Variants in LAMC2 observed in about 807,000 individuals in gnomAD.
The protein encoded by LAMC2 is laminin subunit gamma 2, also known as laminin subunit gamma-2.
A neutral mutation model predicts 140.2 loss-of-function variants in LAMC2; 97 were observed. The ratio of observed to expected loss-of-function variants is 0.69; its 90% CI spans 0.59 to 0.82. LAMC2 has a LOEUF of 0.82. LAMC2 is among the 40% of genes least tolerant of loss of function. The pLI, the probability that LAMC2 is intolerant of heterozygous loss-of-function variation, is 0.00. For missense variants in LAMC2, 1,402 were observed against 1,476.1 expected, an observed-to-expected ratio of 0.95 and a Z score of 0.82; for synonymous variants, 513 against 540.2, an observed-to-expected ratio of 0.95 and a Z score of 0.70.
the LAMC2 span, among the ~76,000 whole-genome samples, chr1:183,255,298 A>T: frequency 6.6e-6 from 1 of 152,192 alleles, no homozygotes; most frequent in African/African-American, 2.4e-5. Flanking sequence ...TGCCAGTACC[A>T]TACTGTTTTG....
intron 1 of LAMC2, among the ~76,000 whole-genome samples, chr1:183,191,194 C>CT (rs11384954): frequency 0.26 from 39,029 of 151,870 alleles, 6,358 homozygotes; most frequent in African/African-American, 0.47. Flanking sequence ...TAAGTATGAT[C>CT]TTTTTTTTCC....
At chr1:183,248,658 T>C (rs1660289252), downstream of LAMC2, 1 of 152,232 alleles carries the variant, frequency 6.6e-6, no homozygotes, top group Non-Finnish European at 1.5e-5. Context: ...TGGATGAATT[T>C]GGCAGAGCAT....
At chr1:183,240,742 GAGGAA>G in intron 22 of LAMC2, 1 of 1,119,056 alleles carries the variant, frequency 8.9e-7, no homozygotes. Context: ...GTTTTAAGCA[GAGGAA>G]TAACATCACC....
intron 1 of LAMC2, among the ~76,000 whole-genome samples, 194 bp downstream of exon 1, chr1:183,186,625 C>A (rs1658161763): frequency 6.6e-6 from 1 of 152,194 alleles, no homozygotes; most frequent in Non-Finnish European, 1.5e-5. Context: ...AAGCTATCTG[C>A]TTTTTAAAAA....
chr1:183,246,166 T>A (rs1286941896), downstream of LAMC2, among the ~76,000 whole-genome samples: 1 of 125,990 alleles, frequency 7.9e-6, no homozygotes, highest in Non-Finnish European at 1.6e-5. Flanking sequence ...CAAGACTCCG[T>A]CTCAAAAAAA....
At chr1:183,243,094 G>A (rs1660169597) in intron 22 of LAMC2, 53 bp from the exon 23 acceptor site, 1 of 1,608,744 alleles carries the variant, frequency 6.2e-7, no homozygotes, top group Admixed American at 1.7e-5. Flanking sequence ...GGTGTTCAAG[G>A]AGATCTAACT....
Position 183,244,588 on chromosome 1 carries a change from T to C in LAMC2, c.*1188T>C, listed in dbSNP as rs1660203987. ...CTTTGTTTGTCACAAGTGGTGTTTA[T>C]TGCAATAACCGCTTGGTTTGCAACC... On this transcript the variant is annotated 3_prime_UTR_variant, in exon 23 of 23. Coordinates refer to ENST00000264144, the MANE Select transcript of LAMC2 (RefSeq NM_005562.3). 2 of 152,696 alleles carry C rather than the reference T, an allele frequency of 1.3e-5. No homozygotes were observed. The highest frequency in any genetic ancestry group is 4.8e-5 in the African/African-American group (2 of 41,470). 9.5% of individuals were successfully genotyped at this position (152,696 alleles called of 1,614,324 possible). A position where few individuals can be genotyped will look rare whatever the true frequency, so the allele number is the denominator to read the frequency against.
intron 16 of LAMC2, 138 bp from the exon 17 acceptor site, chr1:183,236,322 G>A (rs917536265): frequency 6.5e-6 from 5 of 770,948 alleles, no homozygotes; most frequent in Non-Finnish European, 8.4e-6. Flanking sequence ...GTGGGAGGAT[G>A]AGGCTATAGT....
In LAMC2 at chr1:183,228,592, G is replaced by A; in HGVS notation, c.1687G>A (p.Ala563Thr). Reference sequence around the variant, plus strand: ...AGCAGGCTACTTCGGGGACCCATTGGCTCCCAACCCAGCAGACAAGTGTCG... The same window carrying A: ...AGCAGGCTACTTCGGGGACCCATTGACTCCCAACCCAGCAGACAAGTGTCG... ...CKAGYFGDPL[A>T]PNPADKCRAC... is the part of the protein sequence containing the mutation. Residue 563 changes from alanine to threonine, a missense_variant, in exon 11 of 23, where the codon GCT (alanine) becomes ACT (threonine). By Grantham distance (58) the Ala-to-Thr change is moderately conservative (BLOSUM62 0). Coordinates refer to ENST00000264144, the MANE Select transcript of LAMC2 (RefSeq NM_005562.3). The surrounding 1 kb of genome is among the most constrained non-coding windows in gnomAD (Gnocchi z 4.3). 6.2e-7 allele frequency: 1 copy of A among 1,614,068 alleles called. No individual in the cohort carries two copies. Among genetic ancestry groups the A allele is most frequent in the Non-Finnish European group, 8.5e-7 (1 of 1,180,034 alleles).
intron 4 of LAMC2, among the ~76,000 whole-genome samples, chr1:183,219,670 A>G (rs915939346): frequency 3.3e-5 from 5 of 152,036 alleles, no homozygotes; most frequent in African/African-American, 1.2e-4. Flanking sequence ...TTTAATCAGC[A>G]GGTTTCTTCT....
At chr1:183,201,394 A>C (rs1658702349) in intron 1 of LAMC2, among the ~76,000 whole-genome samples, 1 of 152,188 alleles carries the variant, frequency 6.6e-6, no homozygotes, top group Admixed American at 6.5e-5. Context: ...TGAGCTCTAG[A>C]ATATACTGAG....
chr1:183,239,259 G>A (rs1184024988), intron 19 of LAMC2, 105 bp from the exon 20 acceptor site: 1 of 1,013,580 alleles, frequency 9.9e-7, no homozygotes, highest in Non-Finnish European at 1.6e-6. Context: ...TCCCCAGTCA[G>A]TAATAACACT....
the LAMC2 span, among the ~76,000 whole-genome samples, chr1:183,258,212 C>T: frequency 5.9e-5 from 9 of 152,156 alleles, no homozygotes; most frequent in Admixed American, 5.9e-4. Context: ...TTCCTGTTCT[C>T]TCCTAACACA....
intron 1 of LAMC2, among the ~76,000 whole-genome samples, chr1:183,189,751 A>G (rs1401597721): frequency 1.3e-5 from 2 of 152,196 alleles, no homozygotes; most frequent in African/African-American, 2.4e-5. Context: ...TCAAAGGAAG[A>G]CTGTCAGCAA....
At chr1:183,236,924 A>G (rs538888711) in intron 17 of LAMC2, among the ~76,000 whole-genome samples, 3 of 152,216 alleles carry the variant, frequency 2.0e-5, no homozygotes, top group Non-Finnish European at 4.4e-5. Flanking sequence ...TCCAACCTAT[A>G]GTATATCTCT....
In LAMC2 at chr1:183,235,745, G is replaced by C. The variant is rs532836837; in HGVS notation, c.2456+15G>C. The C allele has an allele frequency of 1.8e-5, 29 of 1,613,586 alleles. No homozygotes were observed. The highest frequency in any genetic ancestry group is 2.3e-5 in the Non-Finnish European group (27 of 1,179,900). ...CTTGTGGAAAAGTACGTTCCTACGGGTCCTCCCGTGGCTCATTATACCTTG... is the reference window on the plus strand; with the variant it reads ...CTTGTGGAAAAGTACGTTCCTACGGCTCCTCCCGTGGCTCATTATACCTTG... On this transcript the variant is annotated intron_variant, in intron 16 of 22. Transcript: ENST00000264144.
At chr1:183,190,075 T>C (rs1658283347) in intron 1 of LAMC2, among the ~76,000 whole-genome samples, 1 of 152,210 alleles carries the variant, frequency 6.6e-6, no homozygotes, top group African/African-American at 2.4e-5. Flanking sequence ...CTGCCTGGGT[T>C]CAAATCCCAG....
chr1:183,203,245 G>A (rs1050537835), intron 1 of LAMC2, among the ~76,000 whole-genome samples: 2 of 152,226 alleles, frequency 1.3e-5, no homozygotes, highest in Non-Finnish European at 2.9e-5. Flanking sequence ...GCAACTGGCA[G>A]GGGGTGAAGT....
At chr1:183,248,475 C>G (rs1052923318), downstream of LAMC2, 1 of 152,574 alleles carries the variant, frequency 6.6e-6, no homozygotes, top group Non-Finnish European at 1.5e-5. Flanking sequence ...TGCCAACCCT[C>G]AAGACCATGT....
Sources: gnomAD v4.1 joint callset for allele counts (sites outside exome capture counted in the v4.1 genomes callset) on GRCh38, gnomAD v4.1.1 for gene constraint, Gnocchi (gnomAD v3.1) non-coding constraint, MANE v1.5 for transcripts, NCBI Gene and HGNC (gene_info 2026-07-23, HGNC 2026-07-21) for gene names.